Variants in SLIT3 observed in about 807,000 individuals in gnomAD.
SLIT3 encodes the protein slit guidance ligand 3.
Under a neutral mutation model 184.0 loss-of-function variants are expected in SLIT3, and 68 were observed. That is an observed-to-expected ratio of 0.37 (90% CI 0.30 to 0.45). The LOEUF is 0.45. Among genes scored for constraint, SLIT3 ranks in the 20% least tolerant of loss-of-function variants. The pLI, the probability that SLIT3 is intolerant of heterozygous loss-of-function variation, is 1.00. For missense variants in SLIT3, 1,707 were observed against 2,026.0 expected (o/e 0.84, Z 3.02); for synonymous variants, 831 against 828.6 (o/e 1.00, Z -0.05).
intron 4 of SLIT3, among the ~76,000 whole-genome samples, chr5:168,898,359 G>T (rs910484207): frequency 5.3e-5 from 8 of 151,130 alleles, no homozygotes; most frequent in African/African-American, 1.7e-4. Flanking sequence ...CGGGATGTCA[G>T]GCACAGATGA....
intron 29 of SLIT3, among the ~76,000 whole-genome samples, chr5:168,691,696 C>T (rs970168024): frequency 6.6e-6 from 1 of 152,196 alleles, no homozygotes; most frequent in African/African-American, 2.4e-5. Context: ...ACCCTGACTC[C>T]TTGGTGCTAG....
chr5:168,836,106 A>C (rs1373667215), intron 6 of SLIT3, among the ~76,000 whole-genome samples: 1 of 152,152 alleles, frequency 6.6e-6, no homozygotes, highest in Non-Finnish European at 1.5e-5. Context: ...GAGAGGGCCA[A>C]ATTCCTGTGA....
At chr5:169,095,180 TC>T (rs1367377283) in intron 4 of SLIT3, among the ~76,000 whole-genome samples, 1 of 152,222 alleles carries the variant, frequency 6.6e-6, no homozygotes. Flanking sequence ...AATCCCCTGA[TC>T]TAGCCATTTA....
At chr5:169,128,427 T>A (rs1211280255) in intron 4 of SLIT3, among the ~76,000 whole-genome samples, 2 of 151,986 alleles carry the variant, frequency 1.3e-5, no homozygotes, top group Admixed American at 1.3e-4. Context: ...GCTATATATC[T>A]TTATTTATTT....
In SLIT3 at chr5:168,798,220, C is replaced by CTTTTTTTTTTTTTTTTTTTTTTTTTTT. The variant is rs575178855; in HGVS notation, c.936-2643_936-2642insAAAAAAAAAAAAAAAAAAAAAAAAAAA. 2.1e-4 allele frequency among the ~76,000 whole-genome samples: 24 copies of CTTTTTTTTTTTTTTTTTTTTTTTTTTT among 112,256 alleles called. 1 individual carries two copies. Among genetic ancestry groups the CTTTTTTTTTTTTTTTTTTTTTTTTTTT allele is most frequent in the South Asian group, 7.5e-4 (2 of 2,654 alleles). 73.6% of individuals were successfully genotyped at this position (112,256 alleles called of 152,430 possible). ...CTTTTGGTTTTCTTTTCTTCTTCTT[C>CTTTTTTTTTTTTTTTTTTTTTTTTTTT]TTCTTTTTTTTTTTTTTTTAAGAGA... On this transcript the variant is annotated intron_variant, in intron 9 of 35. Coordinates refer to ENST00000519560, the MANE Select transcript of SLIT3 (RefSeq NM_003062.4).
Position 168,666,416 on chromosome 5 carries a change from G to C in SLIT3, c.*38C>G. The C allele has an allele frequency of 6.6e-7, 1 of 1,510,052 alleles. No individual in the cohort carries two copies. The highest frequency in any genetic ancestry group is 2.3e-5 in the East Asian group (1 of 43,482). 93.5% of individuals were successfully genotyped at this position (1,510,052 alleles called of 1,614,324 possible). A position where few individuals can be genotyped will look rare whatever the true frequency, so the allele number is the denominator to read the frequency against. On this transcript the variant is annotated 3_prime_UTR_variant, in exon 36 of 36. Transcript: ENST00000519560. ...CACATGGCTGTCCCAACTCCATCAA[G>C]CTGGAGTCCGAGAGGTGGCAGGCAG... is the stretch of plus-strand genomic sequence containing the variant.
chr5:168,747,092 C>T (rs1231228085), intron 20 of SLIT3, among the ~76,000 whole-genome samples: 1 of 151,972 alleles, frequency 6.6e-6, no homozygotes, highest in East Asian at 1.9e-4. Context: ...TGCCCGCTCC[C>T]ATACAGGGCC....
chr5:169,042,596 A>C (rs2113027095), intron 4 of SLIT3, among the ~76,000 whole-genome samples: 1 of 152,318 alleles, frequency 6.6e-6, no homozygotes, highest in East Asian at 1.9e-4. Context: ...AAGCCTGATG[A>C]AGAATGAGAT....
intron 28 of SLIT3, among the ~76,000 whole-genome samples, chr5:168,695,446 G>C (rs1220311515): frequency 6.6e-6 from 1 of 152,096 alleles, no homozygotes; most frequent in Non-Finnish European, 1.5e-5. Context: ...TTGTATCATG[G>C]TACACCAAGA....
At position 169,042,752 on chromosome 5, in the gene SLIT3, T is replaced by G. The variant is rs370398097; in HGVS notation, c.413+150727A>C. Among the ~76,000 whole-genome samples, 254 of 152,282 alleles carry G rather than the reference T, an allele frequency of 1.7e-3. 1 individual carries two copies. Among genetic ancestry groups the G allele is most frequent in the African/African-American group, 5.7e-3 (236 of 41,554 alleles). ...CATTGCCAACCCGAGAATCAAACTG[T>G]TTTTTAAGTAGAGGTAAGAGATGAG... On this transcript the variant is annotated intron_variant, in intron 4 of 35. Coordinates refer to ENST00000519560, the MANE Select transcript of SLIT3 (RefSeq NM_003062.4).
At chr5:169,137,085 T>C (rs1293159306) in intron 4 of SLIT3, among the ~76,000 whole-genome samples, 1 of 152,076 alleles carries the variant, frequency 6.6e-6, no homozygotes, top group East Asian at 1.9e-4. Flanking sequence ...CATGAGCTTC[T>C]TAAATCTGGA....
chr5:169,122,225 AT>A (rs1760907181), intron 4 of SLIT3, among the ~76,000 whole-genome samples: 1 of 152,222 alleles, frequency 6.6e-6, no homozygotes, highest in African/African-American at 2.4e-5. Context: ...ACACTCAGTT[AT>A]TACATACTTA....
At chr5:169,132,701 T>C (rs1383725341) in intron 4 of SLIT3, among the ~76,000 whole-genome samples, 7 of 152,348 alleles carry the variant, frequency 4.6e-5, no homozygotes, top group African/African-American at 1.7e-4. Context: ...TCTATTTTCC[T>C]GAGATGCACT....
chr5:168,901,759 T>A (rs1010080381), intron 4 of SLIT3, among the ~76,000 whole-genome samples: 1 of 152,144 alleles, frequency 6.6e-6, no homozygotes, highest in Non-Finnish European at 1.5e-5. Context: ...CTCTGCTGTA[T>A]ATAAAGAGGG....
In SLIT3 at chr5:169,164,805, G is replaced by A. The variant is rs77055108; in HGVS notation, c.413+28674C>T. Among the ~76,000 whole-genome samples, 917 of 152,300 alleles carry A rather than the reference G, an allele frequency of 6.0e-3. 25 individuals are homozygous for A. Among genetic ancestry groups the A allele is most frequent in the East Asian group, 0.025 (129 of 5,172 alleles). ...CAATTAAACTGCAAGCCAACAACAC[G>A]CCCTGTTCCCAGGCTTCCCAGGCAA... On this transcript the variant is annotated intron_variant, in intron 4 of 35. Transcript: ENST00000519560.
At chr5:169,075,103 G>A (rs961968460) in intron 4 of SLIT3, among the ~76,000 whole-genome samples, 7 of 152,170 alleles carry the variant, frequency 4.6e-5, no homozygotes, top group East Asian at 3.9e-4. Context: ...ATACATCACC[G>A]AGAGACTCTG....
chr5:169,151,549 G>A (rs1314761392), intron 4 of SLIT3, among the ~76,000 whole-genome samples: 1 of 152,236 alleles, frequency 6.6e-6, no homozygotes, highest in Non-Finnish European at 1.5e-5. Flanking sequence ...ACACAAGAAA[G>A]AATTTGAGTA....
intron 11 of SLIT3, among the ~76,000 whole-genome samples, chr5:168,786,327 A>G (rs1407247937): frequency 6.6e-6 from 1 of 152,176 alleles, no homozygotes; most frequent in African/African-American, 2.4e-5. Context: ...TGTGTGGGAG[A>G]CTGGCCCTGT....
intron 4 of SLIT3, among the ~76,000 whole-genome samples, chr5:168,956,606 C>T (rs1253841095): frequency 6.6e-6 from 1 of 151,874 alleles, no homozygotes; most frequent in East Asian, 1.9e-4. Flanking sequence ...CCAGCCTGGC[C>T]AACGTGGTGA....
Sources: allele counts gnomAD v4.1 joint callset (sites outside exome capture counted in the v4.1 genomes callset), GRCh38; gene constraint gnomAD v4.1.1; transcripts MANE v1.5; gene names NCBI Gene and HGNC (gene_info 2026-07-23, HGNC 2026-07-21).